SCOC: variants seen among roughly 807,000 people sequenced by gnomAD.
SCOC encodes the protein short coiled coil protein.
A neutral mutation model predicts 9.9 loss-of-function variants in SCOC; 7 were observed. The ratio of observed to expected loss-of-function variants is 0.71; its 90% confidence interval spans 0.40 to 1.33. SCOC has a LOEUF of 1.33. SCOC is among the 40% of genes most tolerant of loss of function. SCOC has a pLI of 0.01. For synonymous variants in SCOC, 19 were observed against 28.2 expected (o/e 0.67, Z 1.03); for missense variants, 66 against 89.7 (o/e 0.74, Z 1.07).
upstream of SCOC, among the ~76,000 whole-genome samples, chr4:140,343,160 T>C (rs1469300790): frequency 6.6e-6 from 1 of 152,184 alleles, no homozygotes; most frequent in African/African-American, 2.4e-5. Context: ...ATATTACAGA[T>C]AGAACATTGA....
rs549748794 is a variant in SCOC, at chr4:140,280,159, C to T, written c.-19+22749C>T. Among the ~76,000 whole-genome samples, 9 of 152,194 alleles carry T rather than the reference C, an allele frequency of 5.9e-5. No individual in the cohort carries two copies. In the East Asian group the frequency reaches 1.2e-3, roughly 20 times the overall value. On this transcript the variant is annotated intron_variant, in intron 1 of 4. Coordinates refer to the SCOC transcript ENST00000394205. ...TGAGACAGGGTCTAGCTTTGTTGCT[C>T]AGGCTGGAGTGCAGTGGCGTGACCT...
At chr4:140,267,527 T>G (rs571504620) in intron 1 of SCOC, among the ~76,000 whole-genome samples, 1 of 152,284 alleles carries the variant, frequency 6.6e-6, no homozygotes, top group African/African-American at 2.4e-5. Flanking sequence ...TAGGTTGCTT[T>G]TCTAAGATCG....
chr4:140,311,435 A>G (rs1325992926), intron 1 of SCOC, among the ~76,000 whole-genome samples: 1 of 152,190 alleles, frequency 6.6e-6, no homozygotes, highest in Non-Finnish European at 1.5e-5. Flanking sequence ...TGCAATTAGC[A>G]TTATCCAGTC....
chr4:140,337,254 TTA>T (rs1732984297), intron 1 of SCOC, among the ~76,000 whole-genome samples: 1 of 152,214 alleles, frequency 6.6e-6, no homozygotes. Flanking sequence ...GAAGTCCAAT[TTA>T]TCTATTTTTT....
chr4:140,274,813 C>T (rs1275272968), intron 1 of SCOC, among the ~76,000 whole-genome samples: 1 of 152,204 alleles, frequency 6.6e-6, no homozygotes, highest in Admixed American at 6.5e-5. Flanking sequence ...GAAGGAATTC[C>T]AAGCTTCTCG....
At chr4:140,373,783 C>G in intron 1 of SCOC, 66 bp downstream of exon 1, 1 of 1,474,796 alleles carries the variant, frequency 6.8e-7, no homozygotes, top group Non-Finnish European at 9.1e-7. Context: ...CTCAGTACCT[C>G]CGAGGGCCTG....
intron 1 of SCOC, among the ~76,000 whole-genome samples, chr4:140,298,020 C>T (rs78619534): frequency 0.049 from 7,406 of 152,242 alleles, 234 homozygotes; most frequent in East Asian, 0.1. Flanking sequence ...TTTGGCTTAT[C>T]TCCCCAGCCT....
At chr4:140,378,712 T>C (rs1251221979) in intron 1 of SCOC, among the ~76,000 whole-genome samples, 2 of 152,172 alleles carry the variant, frequency 1.3e-5, no homozygotes, top group Admixed American at 6.5e-5. Context: ...CTTTGCATTA[T>C]TGTCCTTAGC....
intron 2 of SCOC, among the ~76,000 whole-genome samples, chr4:140,350,759 T>C (rs1376847202): frequency 2.0e-5 from 3 of 152,162 alleles, no homozygotes; most frequent in East Asian, 1.9e-4. Flanking sequence ...TAAGAGTAAG[T>C]CTCAGAATTG....
At position 140,264,711 on chromosome 4, in the gene SCOC, G is replaced by A. The variant is rs72937760; in HGVS notation, c.-19+7301G>A. Among the ~76,000 whole-genome samples the A allele has an allele frequency of 5.4e-3, 815 of 152,252 alleles. 3 individuals are homozygous for A. Among genetic ancestry groups the A allele is most frequent in the African/African-American group, 0.018 (765 of 41,540 alleles). On this transcript the variant is annotated intron_variant, in intron 1 of 4. Coordinates refer to the SCOC transcript ENST00000394205. ...TTCTCATCTGGGATGTACACATCCC[G>A]ATAGGTGAAAAACCTAATATTATTG...
intron 1 of SCOC, among the ~76,000 whole-genome samples, chr4:140,378,375 A>C (rs946898949): frequency 6.6e-6 from 1 of 152,144 alleles, no homozygotes; most frequent in Non-Finnish European, 1.5e-5. Context: ...GCATATTTAT[A>C]TATATTTCAC....
intron 1 of SCOC, among the ~76,000 whole-genome samples, chr4:140,321,964 G>T (rs1732511772): frequency 6.6e-6 from 1 of 152,148 alleles, no homozygotes. Flanking sequence ...AAAAGGGCTT[G>T]CAGGAGTAGG....
Position 140,381,284 on chromosome 4 carries a change from G to A in SCOC, c.*180G>A. The A allele has an allele frequency of 1.9e-6, 1 of 527,572 alleles. No homozygotes were observed. The allele number at this position is 527,572 out of a possible 1,614,324, so 32.7% of individuals were successfully genotyped here. On this transcript the variant is annotated 3_prime_UTR_variant, in exon 4 of 4. Coordinates refer to ENST00000608372, the MANE Select transcript of SCOC (RefSeq NM_001153484.2). ...TTCCATAAGTTTGTGTATTATGTTA[G>A]TCTATGAAAACGTGCAAATGTATTG...
chr4:140,345,276 C>T (rs1321687618), intron 2 of SCOC, among the ~76,000 whole-genome samples: 1 of 152,146 alleles, frequency 6.6e-6, no homozygotes, highest in African/African-American at 2.4e-5. Flanking sequence ...CCGCCTCCTT[C>T]TCCTTTGTTA....
At chr4:140,263,830 C>G (rs1157100374) in intron 1 of SCOC, among the ~76,000 whole-genome samples, 2 of 152,224 alleles carry the variant, frequency 1.3e-5, no homozygotes, top group Non-Finnish European at 2.9e-5. Flanking sequence ...CCTGTGGAAA[C>G]CGTGTTGCTG....
At chr4:140,276,409 G>A (rs938898906) in intron 1 of SCOC, among the ~76,000 whole-genome samples, 9 of 152,136 alleles carry the variant, frequency 5.9e-5, no homozygotes, top group Non-Finnish European at 2.9e-5. Flanking sequence ...AAAGTGCTGG[G>A]ATTACAGGTG....
At chr4:140,375,890 A>G (rs563756543) in intron 1 of SCOC, among the ~76,000 whole-genome samples, 2 of 152,312 alleles carry the variant, frequency 1.3e-5, no homozygotes, top group African/African-American at 4.8e-5. Context: ...GGTTTAGGAT[A>G]GGCAGAGCAG....
chr4:140,372,351 G>A (rs1728091735), upstream of SCOC, among the ~76,000 whole-genome samples: 1 of 152,102 alleles, frequency 6.6e-6, no homozygotes, highest in African/African-American at 2.4e-5. Context: ...CTTGATCTTT[G>A]GTGTCCTGCA....
At chr4:140,331,322 T>C (rs1478390462) in intron 1 of SCOC, among the ~76,000 whole-genome samples, 1 of 152,214 alleles carries the variant, frequency 6.6e-6, no homozygotes, top group African/African-American at 2.4e-5. Flanking sequence ...TCTCCTCTGC[T>C]TCCAATCCAC....
Sources: allele counts gnomAD v4.1 joint callset (sites outside exome capture counted in the v4.1 genomes callset), GRCh38; gene constraint gnomAD v4.1.1; transcripts MANE v1.5; gene names NCBI Gene and HGNC (gene_info 2026-07-23, HGNC 2026-07-21).